Variants in DNAH9 observed in about 807,000 individuals in gnomAD.
DNAH9 encodes the protein DNAH9 variant protein.
In DNAH9, 345 loss-of-function variants were observed where a neutral mutation model predicts 471.6. The observed-to-expected ratio is 0.73, with a 90% CI of 0.67 to 0.80. The LOEUF (loss-of-function observed/expected upper bound fraction) is 0.80, where lower values mean the gene tolerates loss of function less well. Ranked by LOEUF, DNAH9 falls within the 30% of genes least tolerant of loss-of-function variation. The pLI is 0.00. For synonymous variants in DNAH9, 2,093 were observed against 2,123.6 expected, an observed-to-expected ratio of 0.99 and a Z score of 0.40; for missense variants, 5,407 against 5,609.2, an observed-to-expected ratio of 0.96 and a Z score of 1.15.
intron 50 of DNAH9, among the ~76,000 whole-genome samples, chr17:11,858,796 C>T (rs1971715621): frequency 6.6e-6 from 1 of 152,074 alleles, no homozygotes; most frequent in South Asian, 2.1e-4. Flanking sequence ...TTTGCCATTA[C>T]TTTAATGGCC....
At chr17:11,889,860 C>T (rs1245615210) in intron 57 of DNAH9, among the ~76,000 whole-genome samples, 1 of 152,100 alleles carries the variant, frequency 6.6e-6, no homozygotes, top group Admixed American at 6.5e-5. Context: ...TAGTTTGAGT[C>T]AATGATAAGA....
chr17:11,731,041 G>T (rs1013862276), intron 28 of DNAH9, among the ~76,000 whole-genome samples: 1 of 149,394 alleles, frequency 6.7e-6, no homozygotes, highest in Non-Finnish European at 1.5e-5. Flanking sequence ...GGTGGTGTCA[G>T]TGATGATGGT....
In DNAH9 at chr17:11,745,093, G is replaced by T. The variant is rs760712956; in HGVS notation, c.6399+9G>T. 6.2e-7 allele frequency: 1 copy of T among 1,601,762 alleles called. No homozygotes were observed. The highest frequency in any genetic ancestry group is 1.1e-5 in the South Asian group (1 of 89,714). Reference sequence around the variant, plus strand: ...ACAACTTTGTGCTCAAGGTACATGTGGTTTTTCCTCCCAGGATTTCTCTAT... The same window carrying T: ...ACAACTTTGTGCTCAAGGTACATGTTGTTTTTCCTCCCAGGATTTCTCTAT... On this transcript the variant is annotated intron_variant, in intron 31 of 68. Transcript: ENST00000262442.
At chr17:11,881,491 GC>G in intron 55 of DNAH9, 78 bp downstream of exon 55, 1 of 1,452,762 alleles carries the variant, frequency 6.9e-7, no homozygotes, top group South Asian at 1.4e-5. Flanking sequence ...GCAGAGGGGG[GC>G]TGTTTTTCCT....
In DNAH9 at chr17:11,669,389, C is replaced by T. The variant is rs111683437; in HGVS notation, c.2948C>T (p.Pro983Leu). 4 of 1,612,906 alleles carry T rather than the reference C, an allele frequency of 2.5e-6. No individual in the cohort carries two copies. The South Asian group carries it at 3.3e-5, about 13-fold the overall frequency. The change falls in exon 17 of 69, where the codon CCA becomes CTA. Residue 983 changes from proline (P) to leucine (L), a missense_variant. By Grantham distance (98) the Pro-to-Leu change is moderately conservative. Coordinates refer to ENST00000262442, the MANE Select transcript of DNAH9 (RefSeq NM_001372.4). ...PHYQVDLDGI[P>L]DLANMRRTLM... ...CCCCAGGTCGACCTGGACGGTATAC[C>T]AGATTTGGCAAACATGCGGCGCACA...
chr17:11,932,173 G>A lies in DNAH9; in HGVS notation c.12265G>A (p.Val4089Ile). Residue 4089 changes from valine to isoleucine, a missense_variant, in exon 64 of 69, where the codon GTC becomes ATC. By Grantham distance (29) the Val-to-Ile change is conservative (BLOSUM62 3). Coordinates refer to ENST00000262442, the MANE Select transcript of DNAH9 (RefSeq NM_001372.4). The surrounding 1 kb of genome is among the most constrained non-coding windows in gnomAD (Gnocchi z 4.3). ...NTGDLTISVNVLYNFLEANAK... is the reference protein window; with the variant it reads ...NTGDLTISVNILYNFLEANAK... ...TGGAGACCTCACTATCTCTGTGAAT[G>A]TCCTCTACAACTTCCTGGAGGCCAA... 6.2e-7 allele frequency: 1 copy of A among 1,614,098 alleles called. No individual in the cohort carries two copies. Among genetic ancestry groups the A allele is most frequent in the Non-Finnish European group, 8.5e-7 (1 of 1,180,026 alleles).
chr17:11,745,276 G>C (rs2075504635), intron 31 of DNAH9, among the ~76,000 whole-genome samples, 192 bp downstream of exon 31: 1 of 152,156 alleles, frequency 6.6e-6, no homozygotes, highest in South Asian at 2.1e-4. Flanking sequence ...GGGAATACAA[G>C]GGAAAGTTGG....
At chr17:11,681,014 A>G (rs754603336) in intron 19 of DNAH9, 125 bp downstream of exon 19, 4 of 914,664 alleles carry the variant, frequency 4.4e-6, no homozygotes, top group Non-Finnish European at 6.6e-6. Context: ...CTTCCTTCCC[A>G]TTTAGGACCT....
intron 20 of DNAH9, among the ~76,000 whole-genome samples, chr17:11,692,325 T>A (rs1222206943): frequency 6.6e-6 from 1 of 152,182 alleles, no homozygotes. Context: ...ACCATTATGA[T>A]TGTTGTTATG....
chr17:11,667,832 T>C (rs902636984), intron 15 of DNAH9, among the ~76,000 whole-genome samples: 5 of 152,276 alleles, frequency 3.3e-5, no homozygotes, highest in South Asian at 4.1e-4. Flanking sequence ...TTGTCCTACA[T>C]CCACTGGTGA....
At chr17:11,786,360 C>A (rs1260779684) in intron 41 of DNAH9, among the ~76,000 whole-genome samples, 1 of 151,984 alleles carries the variant, frequency 6.6e-6, no homozygotes, top group Non-Finnish European at 1.5e-5. Context: ...AAAAAAAATT[C>A]TCGTGGAATA....
intron 15 of DNAH9, 68 bp downstream of exon 15, chr17:11,665,036 A>G: frequency 7.0e-7 from 1 of 1,424,848 alleles, no homozygotes; most frequent in Non-Finnish European, 9.7e-7. Context: ...GTTGAATTAT[A>G]TTGAAGAGCA....
chr17:11,840,637 C>A (rs537429403), intron 49 of DNAH9, among the ~76,000 whole-genome samples: 7 of 152,074 alleles, frequency 4.6e-5, no homozygotes, highest in Non-Finnish European at 7.4e-5. Context: ...TTGCAGATAT[C>A]ATTAAGTTAA....
intron 66 of DNAH9, among the ~76,000 whole-genome samples, chr17:11,941,740 T>TAGATAGA (rs1567565671): frequency 8.5e-4 from 125 of 146,826 alleles, no homozygotes; most frequent in African/African-American, 2.9e-3. Context: ...AGATAGATAG[T>TAGATAGA]GATAGATTAG....
intron 50 of DNAH9, among the ~76,000 whole-genome samples, chr17:11,861,476 A>T (rs2150977571): frequency 6.6e-6 from 1 of 152,266 alleles, no homozygotes; most frequent in East Asian, 1.9e-4. Flanking sequence ...ATAGTGCCGC[A>T]ATAAAAATAC....
At chr17:11,630,695 C>T (rs957276748) in intron 7 of DNAH9, among the ~76,000 whole-genome samples, 1 of 152,060 alleles carries the variant, frequency 6.6e-6, no homozygotes, top group Non-Finnish European at 1.5e-5. Flanking sequence ...GCACATGTAT[C>T]CCAGAACTTA....
chr17:11,662,094 G>T (rs1310441749), intron 14 of DNAH9, among the ~76,000 whole-genome samples: 5 of 152,036 alleles, frequency 3.3e-5, no homozygotes, highest in Non-Finnish European at 1.5e-5. Flanking sequence ...ACACAATTGT[G>T]TTTATAGTTT....
At chr17:11,735,164 G>A (rs188353336) in intron 28 of DNAH9, among the ~76,000 whole-genome samples, 1 of 152,272 alleles carries the variant, frequency 6.6e-6, no homozygotes, top group Admixed American at 6.5e-5. Flanking sequence ...GTTAGGTCTA[G>A]ATCAGGGCTT....
In DNAH9 at chr17:11,749,805, C is replaced by T. The variant is rs554354677; in HGVS notation, c.6610+2039C>T. 2.6e-5 allele frequency among the ~76,000 whole-genome samples: 4 copies of T among 152,128 alleles called. No homozygotes were observed. In the South Asian group the frequency reaches 6.2e-4, roughly 24 times the overall value. On this transcript the variant is annotated intron_variant, in intron 32 of 68. Transcript: ENST00000262442. ...TGCATATGTATATTGAGATCTGATT[C>T]TGGGCTTTCTATTCTGTTTGACTCA... is the stretch of plus-strand genomic sequence containing the variant.
Sources: gnomAD v4.1 joint callset for allele counts (sites outside exome capture counted in the v4.1 genomes callset) on GRCh38, gnomAD v4.1.1 for gene constraint, Gnocchi (gnomAD v3.1) non-coding constraint, MANE v1.5 for transcripts, NCBI Gene and HGNC (gene_info 2026-07-23, HGNC 2026-07-21) for gene names.